ANKS1B: variants seen among roughly 807,000 people sequenced by gnomAD.
ANKS1B encodes ankyrin repeat and sterile alpha motif domain containing 1B, also known as ankyrin repeat and sterile alpha motif domain-containing protein 1B.
A neutral mutation model predicts 148.3 loss-of-function variants in ANKS1B; 36 were observed. That is an observed-to-expected ratio of 0.24 (90% CI 0.19 to 0.32). ANKS1B has a LOEUF of 0.32. Among genes scored for constraint, ANKS1B ranks in the 10% least tolerant of loss-of-function variants. The pLI, the probability that ANKS1B is intolerant of heterozygous loss-of-function variation, is 1.00. For missense variants in ANKS1B, 1,157 were observed against 1,542.6 expected (o/e 0.75, Z 4.19); for synonymous variants, 542 against 560.8 (o/e 0.97, Z 0.47).
chr12:99,934,161 G>A (rs1293499061), intron 1 of ANKS1B, among the ~76,000 whole-genome samples: 2 of 152,080 alleles, frequency 1.3e-5, no homozygotes, highest in Non-Finnish European at 1.5e-5. Flanking sequence ...TGTGTTGTTA[G>A]ATTTGGCTTG....
intron 17 of ANKS1B, among the ~76,000 whole-genome samples, chr12:99,042,623 G>A (rs2099959819): frequency 6.6e-6 from 1 of 152,136 alleles, no homozygotes; most frequent in Admixed American, 6.5e-5. Flanking sequence ...ATAAATCTTA[G>A]GAACTTGGAA....
At chr12:98,782,924 G>C (rs894730293) in intron 22 of ANKS1B, among the ~76,000 whole-genome samples, 7 of 152,330 alleles carry the variant, frequency 4.6e-5, no homozygotes, top group African/African-American at 1.7e-4. Flanking sequence ...ACACATCAAA[G>C]GCAGGCTAGA....
chr12:99,716,859 T>C (rs1273722948), intron 8 of ANKS1B, among the ~76,000 whole-genome samples: 1 of 152,072 alleles, frequency 6.6e-6, no homozygotes, highest in Non-Finnish European at 1.5e-5. Context: ...CAGGCCGAGC[T>C]AGGTCCCAAT....
rs373875856 is a variant in ANKS1B at position 99,211,577 on chromosome 12, A to G, written c.2419+32765T>C. On this transcript the variant is annotated intron_variant, in intron 14 of 26. Transcript: ENST00000683438. ...CATCCTAGCATTGCAAACAAAAGTC[A>G]AATACAATTTTTAAACTGAATTTGT... Among the ~76,000 whole-genome samples, 29 of 152,354 alleles carry G rather than the reference A, an allele frequency of 1.9e-4. No individual in the cohort carries two copies. The East Asian group carries it at 5.4e-3, about 28-fold the overall frequency.
chr12:99,961,427 T>C (rs1411339966), intron 1 of ANKS1B, among the ~76,000 whole-genome samples: 1 of 152,074 alleles, frequency 6.6e-6, no homozygotes, highest in African/African-American at 2.4e-5. Flanking sequence ...TTGTCCACCT[T>C]CTCCTCCAGC....
chr12:98,813,803 C>T (rs570974214), intron 19 of ANKS1B, among the ~76,000 whole-genome samples: 4 of 152,304 alleles, frequency 2.6e-5, no homozygotes, highest in South Asian at 2.1e-4. Flanking sequence ...GATCCAACCA[C>T]CTTGGCCTCC....
chr12:99,725,848 T>G (rs993556373), intron 8 of ANKS1B, among the ~76,000 whole-genome samples: 3 of 152,094 alleles, frequency 2.0e-5, no homozygotes, highest in African/African-American at 7.2e-5. Context: ...AGAAACTCAC[T>G]CAAAACCACA....
intron 16 of ANKS1B, among the ~76,000 whole-genome samples, chr12:99,061,858 AC>A (rs1466612748): frequency 3.9e-5 from 6 of 152,092 alleles, no homozygotes; most frequent in African/African-American, 1.4e-4. Context: ...ATTTCCTTTA[AC>A]TGTGTTTGTT....
chr12:99,092,574 T>C (rs1339612504), intron 15 of ANKS1B, among the ~76,000 whole-genome samples: 1 of 151,756 alleles, frequency 6.6e-6, no homozygotes, highest in East Asian at 1.9e-4. Flanking sequence ...TCCCAGTGCC[T>C]CACAAGAGAA....
chr12:99,629,563 G>A (rs2098139131), intron 9 of ANKS1B, among the ~76,000 whole-genome samples: 1 of 152,048 alleles, frequency 6.6e-6, no homozygotes, highest in Non-Finnish European at 1.5e-5. Flanking sequence ...TAGGATGTAA[G>A]TGCTGTTACT....
chr12:99,899,534 TTAAG>T (rs1398007463), intron 1 of ANKS1B, among the ~76,000 whole-genome samples: 2 of 152,160 alleles, frequency 1.3e-5, no homozygotes, highest in Non-Finnish European at 2.9e-5. Context: ...ATATATATTA[TTAAG>T]TAATTAGCAA....
intron 12 of ANKS1B, among the ~76,000 whole-genome samples, chr12:99,344,010 C>G (rs1293716891): frequency 6.6e-6 from 1 of 152,046 alleles, no homozygotes; most frequent in Admixed American, 6.6e-5. Context: ...CTCAAATAAA[C>G]TATTCTTTGT....
chr12:99,728,279 C>T (rs2058806826), intron 8 of ANKS1B, among the ~76,000 whole-genome samples: 2 of 151,392 alleles, frequency 1.3e-5, no homozygotes, highest in South Asian at 4.2e-4. Flanking sequence ...AACAAATTTA[C>T]AAGAAAAAAA....
intron 9 of ANKS1B, among the ~76,000 whole-genome samples, chr12:99,620,094 A>G (rs1022339282): frequency 3.9e-5 from 6 of 152,184 alleles, no homozygotes; most frequent in Non-Finnish European, 7.3e-5. Context: ...GCACAGCCCA[A>G]TATAAACCCT....
intron 9 of ANKS1B, among the ~76,000 whole-genome samples, chr12:99,512,372 A>G (rs2066725135): frequency 6.6e-6 from 1 of 152,108 alleles, no homozygotes. Flanking sequence ...TGCAGTCAGA[A>G]TGATGATTAT....
chr12:98,777,860 G>A (rs1278493736), intron 24 of ANKS1B, among the ~76,000 whole-genome samples: 2 of 152,140 alleles, frequency 1.3e-5, no homozygotes, highest in Non-Finnish European at 2.9e-5. Flanking sequence ...AGTCTAATGG[G>A]GGCTAATAGG....
chr12:99,643,591 A>C (rs2098331133), intron 9 of ANKS1B, among the ~76,000 whole-genome samples: 1 of 152,210 alleles, frequency 6.6e-6, no homozygotes, highest in Non-Finnish European at 1.5e-5. Context: ...TTATGTTTGC[A>C]AACTCAGTAG....
At chr12:99,138,053 C>T (rs536214684) in intron 15 of ANKS1B, among the ~76,000 whole-genome samples, 1 of 152,178 alleles carries the variant, frequency 6.6e-6, no homozygotes, top group South Asian at 2.1e-4. Context: ...TTATTATTAG[C>T]ATCATTACTA....
chr12:99,332,689 C>CAAA (rs56373621), intron 12 of ANKS1B, among the ~76,000 whole-genome samples: 4 of 143,888 alleles, frequency 2.8e-5, no homozygotes, highest in African/African-American at 2.6e-5. Flanking sequence ...GCTGAGCTTT[C>CAAA]AAAAAAAAAA....
Sources: gnomAD v4.1 joint callset for allele counts (sites outside exome capture counted in the v4.1 genomes callset) on GRCh38, gnomAD v4.1.1 for gene constraint, MANE v1.5 for transcripts, NCBI Gene and HGNC (gene_info 2026-07-23, HGNC 2026-07-21) for gene names.